The following ERFL variants were observed in gnomAD, a reference collection of about 807,000 sequenced individuals.
ERFL encodes ETS domain-containing transcription factor ERF-like.
In ERFL, 8 loss-of-function variants were observed where a neutral mutation model predicts 27.9. The observed-to-expected ratio is 0.29, with a 90% confidence interval of 0.17 to 0.52. The LOEUF (loss-of-function observed/expected upper bound fraction) is 0.52. Among genes scored for constraint, ERFL ranks in the 20% least tolerant of loss-of-function variants. The pLI is 0.97. For missense variants in ERFL, 294 were observed against 444.4 expected (o/e 0.66, Z 3.04); for synonymous variants, 174 against 202.8 (o/e 0.86, Z 1.21).
intron 1 of ERFL, 103 bp from the exon 2 acceptor site, chr19:41,913,035 CCACCCCAGCCTGA>C (rs1269601391): frequency 9.6e-5 from 42 of 436,016 alleles, no homozygotes; most frequent in African/African-American, 7.3e-4. Flanking sequence ...TCCCAGGTCC[CCACCCCAGCCTGA>C]CACCCTCTCC....
Position 41,909,858 on chromosome 19 carries a change from C to T in ERFL, c.302+5G>A. 1 of 1,605,008 alleles carries T rather than the reference C, an allele frequency of 6.2e-7. No homozygotes were observed. The highest frequency in any genetic ancestry group is 1.3e-5 in the African/African-American group (1 of 74,840). On this transcript the variant is annotated splice_donor_5th_base_variant and intron_variant, in intron 3 of 5. Coordinates refer to ENST00000597630, the MANE Select transcript of ERFL (RefSeq NM_001365103.2). The surrounding 1 kb of genome is among the most constrained non-coding windows in gnomAD (Gnocchi z 5.2). ...GGTGGGATCCAGCCCCAAGCCCTTC[C>T]TCACCGCAGGGCCCGGCTCAGCTTG...
At chr19:41,924,000 G>T (rs2074857389) in intron 1 of ERFL, among the ~76,000 whole-genome samples, 1 of 126,268 alleles carries the variant, frequency 7.9e-6, no homozygotes, top group Admixed American at 7.8e-5. Flanking sequence ...GCTGTGCTGG[G>T]GGTGTGTCTG....
chr19:41,908,168 A>G lies in ERFL; in HGVS notation c.*60T>C, dbSNP rs1282785487. 3.3e-6 allele frequency: 4 copies of G among 1,210,648 alleles called. No individual in the cohort carries two copies. The highest frequency in any genetic ancestry group is 4.1e-6 in the Non-Finnish European group (4 of 968,916). 75.0% of individuals were successfully genotyped at this position (1,210,648 alleles called of 1,614,324 possible). A position where few individuals can be genotyped will look rare whatever the true frequency, so the allele number is the denominator to read the frequency against. On this transcript the variant is annotated 3_prime_UTR_variant, in exon 6 of 6. Coordinates refer to ENST00000597630, the MANE Select transcript of ERFL (RefSeq NM_001365103.2). The surrounding 1 kb of genome is among the most constrained non-coding windows in gnomAD (Gnocchi z 6.7). ...GTCCTGGGCCTTGGGCCAGGCATCAAGGGCAGACGGGCAGCCACCCTGGTC... is the reference window on the plus strand; with the variant it reads ...GTCCTGGGCCTTGGGCCAGGCATCAGGGGCAGACGGGCAGCCACCCTGGTC...
chr19:41,916,939 C>T lies in ERFL; in HGVS notation c.-13-4007G>A, dbSNP rs2074805210. On this transcript the variant is annotated intron_variant, in intron 1 of 5. Transcript: ENST00000597630. This position sits in a 1 kb window ranked among gnomAD's most constrained non-coding sequence, Gnocchi z 5.4. ...ACCCCAACCCAAGGCCCCTGCCACT[C>T]CTGCTCCCACCATCCCCATCTGTCT... 6.6e-6 allele frequency among the ~76,000 whole-genome samples: 1 copy of T among 152,168 alleles called. No homozygotes were observed. The highest frequency in any genetic ancestry group is 2.4e-5 in the African/African-American group (1 of 41,438).
At chr19:41,923,038 C>A (rs909709988) in intron 1 of ERFL, 3 of 408,334 alleles carry the variant, frequency 7.3e-6, no homozygotes, top group Non-Finnish European at 1.5e-5. Flanking sequence ...GCTGGGGGAA[C>A]CCACAGAGGG....
rs2074806406 is a variant in ERFL, at chr19:41,917,139, T to C, written c.-13-4207A>G. Among the ~76,000 whole-genome samples, 2 of 152,152 alleles carry C rather than the reference T, an allele frequency of 1.3e-5. No individual in the cohort carries two copies. The highest frequency in any genetic ancestry group is 6.5e-5 in the Admixed American group (1 of 15,274). On this transcript the variant is annotated intron_variant, in intron 1 of 5. Coordinates refer to ENST00000597630, the MANE Select transcript of ERFL (RefSeq NM_001365103.2). The surrounding 1 kb of genome is among the most constrained non-coding windows in gnomAD (Gnocchi z 4.8). The stretch of plus-strand genomic sequence containing the variant: ...GGGTGTCGGCGCATCTTTCTGTCTG[T>C]CTCTGTCACTGAGGGTCTCTGTCTG...
At chr19:41,927,604 G>A (rs2074879217) in intron 1 of ERFL, among the ~76,000 whole-genome samples, 1 of 151,866 alleles carries the variant, frequency 6.6e-6, no homozygotes, top group Non-Finnish European at 1.5e-5. Flanking sequence ...GAGCCCCTAG[G>A]TCCCAAATAT....
intron 1 of ERFL, among the ~76,000 whole-genome samples, chr19:41,926,709 G>GC (rs1242613369): frequency 2.0e-5 from 3 of 152,098 alleles, no homozygotes; most frequent in Admixed American, 6.5e-5. Flanking sequence ...GCGGCGGCCG[G>GC]CCGGGAGGGG....
chr19:41,907,970 T>C lies in ERFL; in HGVS notation c.*258A>G, dbSNP rs1430873306. 5.2e-6 allele frequency: 2 copies of C among 383,574 alleles called. No individual in the cohort carries two copies. The highest frequency in any genetic ancestry group is 9.2e-6 in the Non-Finnish European group (2 of 217,746). 23.8% of individuals were successfully genotyped at this position (383,574 alleles called of 1,614,324 possible). A position where few individuals can be genotyped will look rare whatever the true frequency, so the allele number is the denominator to read the frequency against. On this transcript the variant is annotated 3_prime_UTR_variant, in exon 6 of 6. Transcript: ENST00000597630. ...GCAGGCTGGGCGCCATATTGCACTTTGGGAGTGGGGCCAGGCGGGGACCCC... is the reference window on the plus strand; with the variant it reads ...GCAGGCTGGGCGCCATATTGCACTTCGGGAGTGGGGCCAGGCGGGGACCCC...
chr19:41,926,690 G>A (rs118019496), intron 1 of ERFL, among the ~76,000 whole-genome samples: 1 of 151,960 alleles, frequency 6.6e-6, no homozygotes, highest in Non-Finnish European at 1.5e-5. Context: ...TGCGGAGCGC[G>A]TCTGGGCCGC....
chr19:41,926,734 G>GGCCGTTTA (rs2074873544), intron 1 of ERFL, among the ~76,000 whole-genome samples: 1 of 152,154 alleles, frequency 6.6e-6, no homozygotes, highest in South Asian at 2.1e-4. Context: ...CGGGCGGGGG[G>GGCCGTTTA]GCCGTTTAGC....
chr19:41,925,827 G>T (rs1346483767), intron 1 of ERFL, among the ~76,000 whole-genome samples: 3 of 152,128 alleles, frequency 2.0e-5, no homozygotes, highest in Non-Finnish European at 4.4e-5. Context: ...CTTCTGGAAG[G>T]GCAGGTGTTG....
rs1169289340 is a variant in ERFL at position 41,921,008 on chromosome 19, C to T, written c.-14+7032G>A. ...GAGTCTCAGTCTCCGCACGATGTCC[C>T]TGGGGCTGCGGACAGCAGCGCTCCG... is the stretch of plus-strand genomic sequence containing the variant. On this transcript the variant is annotated intron_variant, in intron 1 of 5. Coordinates refer to ENST00000597630, the MANE Select transcript of ERFL (RefSeq NM_001365103.2). The surrounding 1 kb of genome is among the most constrained non-coding windows in gnomAD (Gnocchi z 4.4). Among the ~76,000 whole-genome samples, 1 of 152,242 alleles carries T rather than the reference C, an allele frequency of 6.6e-6. No homozygotes were observed. Among genetic ancestry groups the T allele is most frequent in the Non-Finnish European group, 1.5e-5 (1 of 68,048 alleles).
At chr19:41,920,354 G>A (rs920421341) in intron 1 of ERFL, among the ~76,000 whole-genome samples, 14 of 125,924 alleles carry the variant, frequency 1.1e-4, no homozygotes, top group Non-Finnish European at 2.3e-4. Context: ...GCACTCAGAC[G>A]TGACGCACAG....
Position 41,908,833 on chromosome 19 carries a change from A to C in ERFL, c.617-157T>G, listed in dbSNP as rs1345879031. Among the ~76,000 whole-genome samples, 22 of 79,616 alleles carry C rather than the reference A, an allele frequency of 2.8e-4. No homozygotes were observed. The highest frequency in any genetic ancestry group is 5.1e-4 in the African/African-American group (10 of 19,716). The allele number at this position is 79,616 out of a possible 152,430, so 52.2% of individuals were successfully genotyped here. A position where few individuals can be genotyped will look rare whatever the true frequency, so the allele number is the denominator to read the frequency against. The stretch of plus-strand genomic sequence containing the variant: ...GCTTCCCCCAACTCCATCTCCTCCC[A>C]CTCCCCCACTTGTCTTCCCATTCCT... On this transcript the variant is annotated intron_variant, in intron 5 of 5. Coordinates refer to ENST00000597630, the MANE Select transcript of ERFL (RefSeq NM_001365103.2). The surrounding 1 kb of genome is among the most constrained non-coding windows in gnomAD (Gnocchi z 6.7).
At chr19:41,922,176 G>A (rs1207288957) in intron 1 of ERFL, among the ~76,000 whole-genome samples, 10 of 152,074 alleles carry the variant, frequency 6.6e-5, no homozygotes, top group Non-Finnish European at 1.0e-4. Flanking sequence ...CCTTCTAGAC[G>A]GCAACCACCA....
Position 41,914,606 on chromosome 19 carries a change from C to T in ERFL, c.-13-1674G>A, listed in dbSNP as rs373930607. ...CCCTCCCTTTCCACCATCTCTGTCT[C>T]TCCCTCCCCTTCCACCATCTCTGTC... On this transcript the variant is annotated intron_variant, in intron 1 of 5. Coordinates refer to ENST00000597630, the MANE Select transcript of ERFL (RefSeq NM_001365103.2). Among the ~76,000 whole-genome samples the T allele has an allele frequency of 5.7e-4, 34 of 59,578 alleles. 4 individuals are homozygous for T. Among genetic ancestry groups the T allele is most frequent in the Admixed American group, 1.3e-3 (9 of 7,148 alleles). 39.1% of individuals were successfully genotyped at this position (59,578 alleles called of 152,430 possible).
In ERFL at chr19:41,916,407, ACT is replaced by A. The variant is rs2074802031; in HGVS notation, c.-13-3477_-13-3476del. On this transcript the variant is annotated intron_variant, in intron 1 of 5. Transcript: ENST00000597630. This position sits in a 1 kb window ranked among gnomAD's most constrained non-coding sequence, Gnocchi z 5.4. ...TGTGTCAGTAAAGTCACACACCAAC[ACT>A]GTCACAGTCACACACACACACATCA... 6.6e-6 allele frequency among the ~76,000 whole-genome samples: 1 copy of A among 152,104 alleles called. No individual in the cohort carries two copies. The highest frequency in any genetic ancestry group is 2.4e-5 in the African/African-American group (1 of 41,410).
chr19:41,927,396 A>C (rs1298757051), intron 1 of ERFL, among the ~76,000 whole-genome samples: 1 of 152,054 alleles, frequency 6.6e-6, no homozygotes, highest in Non-Finnish European at 1.5e-5. Context: ...CAGACCCCAG[A>C]TATCCAGATC....
Sources: gnomAD v4.1 joint callset for allele counts (sites outside exome capture counted in the v4.1 genomes callset) on GRCh38, gnomAD v4.1.1 for gene constraint, Gnocchi (gnomAD v3.1) non-coding constraint, MANE v1.5 for transcripts, NCBI Gene and HGNC (gene_info 2026-07-23, HGNC 2026-07-21) for gene names.